ANXA4: variants seen among roughly 807,000 people sequenced by gnomAD.
ANXA4 encodes 35-beta calcimedin.
ANXA4 carries 39 observed loss-of-function variants against 49.8 expected under a neutral mutation model. The ratio of observed to expected loss-of-function variants is 0.78; its 90% confidence interval spans 0.61 to 1.02. ANXA4 has a LOEUF of 1.02. Ranked by LOEUF, ANXA4 falls within the 50% of genes least tolerant of loss-of-function variation. The probability of loss-of-function intolerance (pLI) is 0.00; values close to 1 mark genes in which losing one functional copy is unlikely to be tolerated. For missense variants in ANXA4, 360 were observed against 410.1 expected, an observed-to-expected ratio of 0.88 and a Z score of 1.05; for synonymous variants, 134 against 152.5, an observed-to-expected ratio of 0.88 and a Z score of 0.89.
intron 1 of ANXA4, among the ~76,000 whole-genome samples, chr2:69,753,639 T>C (rs1344990706): frequency 6.6e-6 from 1 of 152,230 alleles, no homozygotes; most frequent in Non-Finnish European, 1.5e-5. Flanking sequence ...TCAAAGCGTC[T>C]TAGCAGGTTT....
chr2:69,740,758 C>T (rs1480868216), upstream of ANXA4, among the ~76,000 whole-genome samples: 1 of 133,960 alleles, frequency 7.5e-6, no homozygotes, highest in African/African-American at 2.9e-5. Context: ...TCTCAGCTTA[C>T]TGAGCCTCTG....
At chr2:69,740,844 G>A (rs1417416018), upstream of ANXA4, among the ~76,000 whole-genome samples, 1 of 145,154 alleles carries the variant, frequency 6.9e-6, no homozygotes, top group East Asian at 2.0e-4. Flanking sequence ...ACCACACCCG[G>A]CTATATATAT....
intron 2 of ANXA4, among the ~76,000 whole-genome samples, chr2:69,667,333 A>T (rs1417161358): frequency 6.6e-6 from 1 of 152,140 alleles, no homozygotes; most frequent in East Asian, 1.9e-4. Flanking sequence ...GAATACCTCG[A>T]CAAAGCTATT....
chr2:69,657,746 T>C (rs1220415518), intron 2 of ANXA4, among the ~76,000 whole-genome samples: 1 of 152,194 alleles, frequency 6.6e-6, no homozygotes, highest in African/African-American at 2.4e-5. Flanking sequence ...ATGCTACTTA[T>C]TAACTTTATA....
upstream of ANXA4, chr2:69,643,822 T>A: frequency 1.7e-6 from 2 of 1,182,638 alleles, no homozygotes; most frequent in Non-Finnish European, 2.1e-6. Context: ...GAAGTGCCCC[T>A]CGGGGCGGCG....
intron 2 of ANXA4, among the ~76,000 whole-genome samples, chr2:69,708,893 T>G (rs1337950687): frequency 1.3e-5 from 2 of 152,020 alleles, no homozygotes; most frequent in Non-Finnish European, 2.9e-5. Flanking sequence ...CACACGTGCC[T>G]ATAATCCCAG....
At chr2:69,822,828 T>C (rs1483623069) in intron 12 of ANXA4, among the ~76,000 whole-genome samples, 1 of 152,050 alleles carries the variant, frequency 6.6e-6, no homozygotes, top group African/African-American at 2.4e-5. Flanking sequence ...TGAAAGGGTT[T>C]TAGAAATAGA....
At chr2:69,727,935 C>T (rs907515889) in intron 3 of ANXA4, among the ~76,000 whole-genome samples, 3 of 152,178 alleles carry the variant, frequency 2.0e-5, no homozygotes, top group Admixed American at 6.5e-5. Flanking sequence ...GTGACCTTAA[C>T]GTCTTTGAAG....
At chr2:69,720,422 G>A (rs57821911) in intron 2 of ANXA4, among the ~76,000 whole-genome samples, 13,420 of 152,134 alleles carry the variant, frequency 0.088, 1,930 homozygotes, top group African/African-American at 0.3. Context: ...AGAAATTCAG[G>A]GGAGCTGAAG....
intron 2 of ANXA4, among the ~76,000 whole-genome samples, chr2:69,680,922 T>A (rs1053669815): frequency 1.3e-5 from 2 of 152,178 alleles, no homozygotes; most frequent in Non-Finnish European, 2.9e-5. Context: ...TCATTGAGGA[T>A]TTTTGCATCT....
chr2:69,685,977 A>T (rs555765737), intron 2 of ANXA4, among the ~76,000 whole-genome samples: 1 of 152,198 alleles, frequency 6.6e-6, no homozygotes, highest in African/African-American at 2.4e-5. Context: ...ATAGCATGCC[A>T]TTATGTGGTA....
At chr2:69,745,301 C>T (rs1017262032) in intron 1 of ANXA4, among the ~76,000 whole-genome samples, 6 of 152,030 alleles carry the variant, frequency 3.9e-5, no homozygotes, top group East Asian at 1.9e-4. Flanking sequence ...TTGATGTTGG[C>T]GAGAGCTCTG....
chr2:69,759,380 T>TA (rs1671183991), intron 1 of ANXA4, among the ~76,000 whole-genome samples: 1 of 152,200 alleles, frequency 6.6e-6, no homozygotes, highest in South Asian at 2.1e-4. Context: ...TACATTACTT[T>TA]AAAAAATGTC....
intron 1 of ANXA4, among the ~76,000 whole-genome samples, chr2:69,753,380 C>A (rs1670928625): frequency 1.3e-5 from 2 of 152,256 alleles, no homozygotes; most frequent in South Asian, 4.2e-4. Flanking sequence ...CTCTGGGGCC[C>A]ACCCAAGATT....
At chr2:69,715,122 T>A (rs1678835615) in intron 2 of ANXA4, among the ~76,000 whole-genome samples, 1 of 152,234 alleles carries the variant, frequency 6.6e-6, no homozygotes, top group African/African-American at 2.4e-5. Flanking sequence ...ATCCATCATA[T>A]ATTTGAGCCC....
In ANXA4 at chr2:69,714,182, C is replaced by A. The variant is rs1161019975; in HGVS notation, n.767-6592C>A. ...CCTTCAAGGTCTGCCTTCTGACAAG[C>A]CCTAGCTCTTTCCCACCTCCAGTGG... On this transcript the variant is annotated intron_variant and non_coding_transcript_variant, in intron 2 of 3. Coordinates refer to the ANXA4 transcript ENST00000418066. Among the ~76,000 whole-genome samples the A allele has an allele frequency of 3.3e-5, 5 of 152,266 alleles. No homozygotes were observed. In the East Asian group the frequency reaches 9.7e-4, roughly 29 times the overall value.
rs184897365 is a variant in ANXA4, at chr2:69,685,439, G to T, written n.766+32157G>T. Among the ~76,000 whole-genome samples the T allele has an allele frequency of 2.0e-3, 302 of 152,226 alleles. 2 individuals are homozygous for T. Among genetic ancestry groups the T allele is most frequent in the Middle Eastern group, 0.017 (5 of 294 alleles). ...TGAATGAATTAGAAACCAGTCAATT[G>T]TACGCACAGGTGCTGGCTAACAAAC... On this transcript the variant is annotated intron_variant and non_coding_transcript_variant, in intron 2 of 3. Coordinates refer to the ANXA4 transcript ENST00000418066.
intron 2 of ANXA4, among the ~76,000 whole-genome samples, chr2:69,673,476 G>A (rs1383012851): frequency 6.7e-6 from 1 of 149,810 alleles, no homozygotes. Context: ...ACACAAGGAG[G>A]GGAACATCAC....
intron 3 of ANXA4, among the ~76,000 whole-genome samples, chr2:69,802,054 C>T (rs1408616435): frequency 3.9e-5 from 6 of 152,100 alleles, no homozygotes; most frequent in Admixed American, 1.3e-4. Context: ...TGCCTAGTGT[C>T]CTTTTATGTG....
Sources: gnomAD v4.1 joint callset for allele counts (sites outside exome capture counted in the v4.1 genomes callset) on GRCh38, gnomAD v4.1.1 for gene constraint, MANE v1.5 for transcripts, NCBI Gene and HGNC (gene_info 2026-07-23, HGNC 2026-07-21) for gene names.